Variants in EPB41L4B observed in about 807,000 individuals in gnomAD.
The protein encoded by EPB41L4B is erythrocyte membrane protein band 4.1 like 4B, also known as band 4.1-like protein 4B.
A neutral mutation model predicts 112.5 loss-of-function variants in EPB41L4B; 30 were observed. The ratio of observed to expected loss-of-function variants is 0.27; its 90% CI spans 0.20 to 0.36. EPB41L4B has a LOEUF of 0.36. Among genes scored for constraint, EPB41L4B ranks in the 10% least tolerant of loss-of-function variants. The pLI, the probability that EPB41L4B is intolerant of heterozygous loss-of-function variation, is 1.00. For missense variants in EPB41L4B, 1,024 were observed against 1,133.3 expected (o/e 0.90, Z 1.38); for synonymous variants, 408 against 439.7 (o/e 0.93, Z 0.90).
intron 15 of EPB41L4B, among the ~76,000 whole-genome samples, chr9:109,231,760 T>C: frequency 6.6e-6 from 1 of 152,208 alleles, no homozygotes; most frequent in East Asian, 1.9e-4. Flanking sequence ...AGAAAGGCTG[T>C]TGTGTTGCAA....
At chr9:109,196,493 C>T (rs978480402) in intron 20 of EPB41L4B, among the ~76,000 whole-genome samples, 5 of 152,102 alleles carry the variant, frequency 3.3e-5, no homozygotes, top group Admixed American at 1.3e-4. Flanking sequence ...CCAAGGCAGG[C>T]GATTGCTTGA....
chr9:109,186,769 C>T (rs1832285296), intron 22 of EPB41L4B, among the ~76,000 whole-genome samples: 1 of 152,224 alleles, frequency 6.6e-6, no homozygotes. Flanking sequence ...AGGCATGATC[C>T]ATTGTGCCCA....
rs1251977814 is a variant in EPB41L4B, at chr9:109,223,785, G to A, written c.1410-6640C>T. ...TGTAATCCCACCACTTTGGGAGGCCGAGGCAGGTGGATCACTTGAGGTCAG... is the reference window on the plus strand; with the variant it reads ...TGTAATCCCACCACTTTGGGAGGCCAAGGCAGGTGGATCACTTGAGGTCAG... On this transcript the variant is annotated intron_variant, in intron 15 of 25. Coordinates refer to ENST00000374566, the MANE Select transcript of EPB41L4B (RefSeq NM_019114.5). Among the ~76,000 whole-genome samples, 3 of 152,292 alleles carry A rather than the reference G, an allele frequency of 2.0e-5. No individual in the cohort carries two copies. The South Asian group carries it at 6.2e-4, about 32-fold the overall frequency.
intron 1 of EPB41L4B, among the ~76,000 whole-genome samples, chr9:109,282,207 A>G (rs1303912299): frequency 6.6e-6 from 1 of 152,222 alleles, no homozygotes; most frequent in Non-Finnish European, 1.5e-5. Context: ...CTATACAGCC[A>G]GAAATTAGAT....
At chr9:109,195,005 G>A (rs1264930959) in intron 20 of EPB41L4B, among the ~76,000 whole-genome samples, 2 of 152,124 alleles carry the variant, frequency 1.3e-5, no homozygotes, top group Non-Finnish European at 2.9e-5. Flanking sequence ...TCCATTATAT[G>A]GATATACCAC....
chr9:109,240,717 T>C, intron 15 of EPB41L4B: 1 of 985,438 alleles, frequency 1.0e-6, no homozygotes, highest in Non-Finnish European at 1.2e-6. Flanking sequence ...AAGAAAACCT[T>C]ATATGCTTTC....
At chr9:109,273,134 G>C (rs1378693425) in intron 2 of EPB41L4B, among the ~76,000 whole-genome samples, 1 of 152,166 alleles carries the variant, frequency 6.6e-6, no homozygotes, top group Non-Finnish European at 1.5e-5. Flanking sequence ...ATCAGTGGTA[G>C]AGACCCCTTT....
At chr9:109,319,775 G>A (rs1837779258) in intron 1 of EPB41L4B, among the ~76,000 whole-genome samples, 1 of 152,128 alleles carries the variant, frequency 6.6e-6, no homozygotes, top group South Asian at 2.1e-4. Flanking sequence ...GAAGACCCCT[G>A]CTGGAAGCTA....
rs1437657646 is a variant in EPB41L4B, at chr9:109,255,529, C to A, written c.1151G>T (p.Gly384Val). 8.1e-6 allele frequency: 13 copies of A among 1,614,032 alleles called. No individual in the cohort carries two copies. Among genetic ancestry groups the A allele is most frequent in the Non-Finnish European group, 1.1e-5 (13 of 1,180,018 alleles). The change falls in exon 11 of 26, where the codon GGC becomes GTC. Residue 384 changes from glycine (G) to valine (V), a missense_variant. Gly to Val is a moderately radical substitution (Grantham distance 109). Transcript: ENST00000374566. ...KSNRSDFIRL[G>V]SRFRFSGRTE... ...TCCCTACCTGAATCTGAAGCGAGAG[C>A]CCAGCCTGATAAAGTCGGATCTATT...
intron 15 of EPB41L4B, chr9:109,241,228 A>G (rs1282207393): frequency 1.0e-6 from 1 of 987,370 alleles, no homozygotes; most frequent in Non-Finnish European, 1.2e-6. Context: ...AATGAGGTCA[A>G]TGAAGGGGAA....
At chr9:109,177,784 T>C (rs1279754546) in intron 24 of EPB41L4B, among the ~76,000 whole-genome samples, 1 of 150,698 alleles carries the variant, frequency 6.6e-6, no homozygotes, top group African/African-American at 2.4e-5. Flanking sequence ...GTTGCGCCAC[T>C]GCACTCCAGC....
chr9:109,317,156 A>G (rs530683500), intron 1 of EPB41L4B, among the ~76,000 whole-genome samples: 1 of 152,310 alleles, frequency 6.6e-6, no homozygotes, highest in Admixed American at 6.5e-5. Context: ...GACTCAACCT[A>G]TCACCAGAGA....
chr9:109,271,875 C>A (rs1052998061), intron 2 of EPB41L4B, among the ~76,000 whole-genome samples: 4 of 152,214 alleles, frequency 2.6e-5, no homozygotes, highest in African/African-American at 9.6e-5. Context: ...CCAAGTCCAT[C>A]TGGCAAAATC....
intron 22 of EPB41L4B, among the ~76,000 whole-genome samples, chr9:109,191,571 A>T (rs1351251603): frequency 6.6e-6 from 1 of 152,212 alleles, no homozygotes; most frequent in Non-Finnish European, 1.5e-5. Flanking sequence ...TCCCTACCAG[A>T]TGCTGCTTCC....
intron 1 of EPB41L4B, among the ~76,000 whole-genome samples, chr9:109,308,792 T>C (rs1264527548): frequency 6.6e-6 from 1 of 152,154 alleles, no homozygotes; most frequent in Non-Finnish European, 1.5e-5. Context: ...AAATTAAATG[T>C]TTAGGCCAGG....
intron 1 of EPB41L4B, among the ~76,000 whole-genome samples, chr9:109,297,202 T>TG (rs1196963743): frequency 0.015 from 821 of 53,850 alleles, 5 homozygotes; most frequent in African/African-American, 0.046. Context: ...GCTGGGGGGG[T>TG]GGGGGGGGAT....
chr9:109,280,350 C>G (rs117992569), intron 1 of EPB41L4B, among the ~76,000 whole-genome samples: 1 of 152,154 alleles, frequency 6.6e-6, no homozygotes, highest in Non-Finnish European at 1.5e-5. Flanking sequence ...TCCAGTCTTC[C>G]GATTTCACAA....
chr9:109,196,462 T>C (rs936224053), intron 20 of EPB41L4B, among the ~76,000 whole-genome samples: 12 of 152,202 alleles, frequency 7.9e-5, no homozygotes, highest in African/African-American at 2.4e-4. Context: ...CTAATGCCTG[T>C]AATCCCGGCA....
Position 109,255,818 on chromosome 9 carries a change from T to G in EPB41L4B, c.955A>C (p.Lys319Gln). Residue 319 changes from lysine (K) to glutamine (Q), a missense_variant, in exon 10 of 26, where the codon AAA (lysine) becomes CAA (glutamine). Physicochemically the swap from Lys to Gln is moderately conservative, Grantham distance 53. Transcript: ENST00000374566. ...ACCACGAGTGTCAATTTGCTCTTTT[T>G]AAAATCCATTTTGGTAATTTTAGGC... ...FWPKITKMDF[K>Q]KSKLTLVVVE... 6.2e-7 allele frequency: 1 copy of G among 1,613,902 alleles called. No individual in the cohort carries two copies. Among genetic ancestry groups the G allele is most frequent in the Non-Finnish European group, 8.5e-7 (1 of 1,179,960 alleles).
Sources: allele counts gnomAD v4.1 joint callset (sites outside exome capture counted in the v4.1 genomes callset), GRCh38; gene constraint gnomAD v4.1.1; transcripts MANE v1.5; gene names NCBI Gene and HGNC (gene_info 2026-07-23, HGNC 2026-07-21).